Variants in PHTF2 observed in about 807,000 individuals in gnomAD.
The protein encoded by PHTF2 is protein PHTF2.
Under a neutral mutation model 101.2 loss-of-function variants are expected in PHTF2, and 60 were observed. The ratio of observed to expected loss-of-function variants is 0.59; its 90% CI spans 0.48 to 0.73. The LOEUF (loss-of-function observed/expected upper bound fraction) is 0.73. Ranked by LOEUF, PHTF2 falls within the 30% of genes least tolerant of loss-of-function variation. PHTF2 has a pLI of 0.00. For synonymous variants in PHTF2, 311 were observed against 307.3 expected (o/e 1.01, Z -0.13); for missense variants, 747 against 908.7 (o/e 0.82, Z 2.29).
intron 2 of PHTF2, among the ~76,000 whole-genome samples, chr7:77,840,729 A>G (rs946038738): frequency 6.6e-6 from 1 of 152,044 alleles, no homozygotes; most frequent in Non-Finnish European, 1.5e-5. Context: ...AAACTGAAAT[A>G]TTAAAGTGTT....
intron 1 of PHTF2, among the ~76,000 whole-genome samples, chr7:77,836,688 A>G (rs1795499420): frequency 6.6e-6 from 1 of 152,154 alleles, no homozygotes; most frequent in East Asian, 1.9e-4. Context: ...TGATGCTGGA[A>G]ACCATCATTC....
intron 1 of PHTF2, among the ~76,000 whole-genome samples, chr7:77,836,414 T>C (rs955887163): frequency 2.0e-5 from 3 of 152,118 alleles, no homozygotes; most frequent in Non-Finnish European, 4.4e-5. Context: ...TTGATTGAGA[T>C]TCCGTAAAGG....
At chr7:77,943,780 G>C (rs979251700) in intron 16 of PHTF2, among the ~76,000 whole-genome samples, 5 of 152,088 alleles carry the variant, frequency 3.3e-5, no homozygotes, top group Admixed American at 3.3e-4. Context: ...CCCTTTGGGA[G>C]GCCAAGGAGT....
chr7:77,863,938 G>C (rs1028542503), intron 3 of PHTF2, among the ~76,000 whole-genome samples: 1 of 151,764 alleles, frequency 6.6e-6, no homozygotes, highest in Admixed American at 6.6e-5. Flanking sequence ...CACCATCCCC[G>C]CTTAGTTTTA....
chr7:77,873,791 G>T (rs936329428), intron 3 of PHTF2, among the ~76,000 whole-genome samples: 1 of 152,138 alleles, frequency 6.6e-6, no homozygotes, highest in Non-Finnish European at 1.5e-5. Flanking sequence ...TTTCAGGGTC[G>T]CATTCTTTTC....
intron 5 of PHTF2, among the ~76,000 whole-genome samples, chr7:77,899,552 A>G (rs777199438): frequency 6.6e-6 from 1 of 151,920 alleles, no homozygotes; most frequent in African/African-American, 2.4e-5. Flanking sequence ...TTGTTTTTGC[A>G]TCTCTGGGTG....
intron 3 of PHTF2, among the ~76,000 whole-genome samples, chr7:77,892,354 C>T (rs1307795765): frequency 6.6e-6 from 1 of 152,172 alleles, no homozygotes. Context: ...ATTCTACCTC[C>T]TTTGTGTCTA....
chr7:77,808,247 A>G (rs949440770), intron 1 of PHTF2, among the ~76,000 whole-genome samples: 1 of 152,190 alleles, frequency 6.6e-6, no homozygotes, highest in African/African-American at 2.4e-5. Flanking sequence ...TAGGGATTGC[A>G]TTGAATCTGT....
intron 3 of PHTF2, chr7:77,854,847 A>C (rs1428270506): frequency 1.3e-6 from 1 of 756,158 alleles, no homozygotes. Flanking sequence ...GAGTAATGCC[A>C]GGCCTGTTCT....
At chr7:77,816,328 GCCT>G (rs1584377504) in intron 1 of PHTF2, among the ~76,000 whole-genome samples, 1 of 152,082 alleles carries the variant, frequency 6.6e-6, no homozygotes, top group Non-Finnish European at 1.5e-5. Flanking sequence ...GCCTGCCTCG[GCCT>G]CCCAAAGTGC....
chr7:77,888,590 C>T (rs1335389774), intron 3 of PHTF2, among the ~76,000 whole-genome samples: 1 of 152,138 alleles, frequency 6.6e-6, no homozygotes, highest in African/African-American at 2.4e-5. Flanking sequence ...GTATTTATTT[C>T]TCAATTGAAG....
chr7:77,896,977 T>G (rs1394634257), intron 5 of PHTF2, among the ~76,000 whole-genome samples: 4 of 152,198 alleles, frequency 2.6e-5, no homozygotes, highest in African/African-American at 9.6e-5. Flanking sequence ...TTTTGTAAGT[T>G]GCGAATTATT....
intron 9 of PHTF2, among the ~76,000 whole-genome samples, chr7:77,918,665 A>G (rs1803164189): frequency 6.6e-6 from 1 of 152,220 alleles, no homozygotes; most frequent in Admixed American, 6.5e-5. Context: ...TCCCAGACAG[A>G]GGAAGTAACA....
rs186413217 is a variant in PHTF2, at chr7:77,896,214, T to C, written c.216+2221T>C. On this transcript the variant is annotated intron_variant, in intron 5 of 19. Transcript: ENST00000416283. ...AATTTTGTTGCATGCATAGCTTGCG[T>C]AGCAGTCAAGTCAGAGCTTTTGGGG... 1.6e-4 allele frequency among the ~76,000 whole-genome samples: 24 copies of C among 152,280 alleles called. 1 individual carries two copies. In the East Asian group the frequency reaches 4.4e-3, roughly 28 times the overall value.
At chr7:77,923,465 CAT>C (rs1008257080) in intron 11 of PHTF2, 13 of 985,188 alleles carry the variant, frequency 1.3e-5, no homozygotes, top group Non-Finnish European at 1.6e-5. Flanking sequence ...AAAACAAACA[CAT>C]GTTACGCTGT....
At chr7:77,927,703 G>A (rs981490284) in intron 11 of PHTF2, among the ~76,000 whole-genome samples, 1 of 152,204 alleles carries the variant, frequency 6.6e-6, no homozygotes, top group Non-Finnish European at 1.5e-5. Context: ...TGTATTCAAA[G>A]TTCCCATGCT....
rs367767649 is a variant in PHTF2 at position 77,938,457 on chromosome 7, G to A, written c.1467+619G>A. 3.6e-4 allele frequency among the ~76,000 whole-genome samples: 55 copies of A among 152,222 alleles called. 1 individual carries two copies. The East Asian group carries it at 9.3e-3, about 26-fold the overall frequency. Reference sequence around the variant, plus strand: ...TTTAAAATGTGTTGATTGGCCGGGCGCGGTGGCTCACGCCTGTAATCCCAG... The same window carrying A: ...TTTAAAATGTGTTGATTGGCCGGGCACGGTGGCTCACGCCTGTAATCCCAG... On this transcript the variant is annotated intron_variant, in intron 13 of 19. Coordinates refer to ENST00000416283, the Ensembl canonical transcript of PHTF2.
chr7:77,879,394 A>T (rs1453248049), intron 3 of PHTF2, among the ~76,000 whole-genome samples: 1 of 152,046 alleles, frequency 6.6e-6, no homozygotes, highest in Non-Finnish European at 1.5e-5. Context: ...GCAGAGGCCT[A>T]AAGAACTCGT....
chr7:77,837,072 A>G (rs1458306293), intron 1 of PHTF2, among the ~76,000 whole-genome samples: 1 of 151,938 alleles, frequency 6.6e-6, no homozygotes, highest in Non-Finnish European at 1.5e-5. Flanking sequence ...GCCTAATGTT[A>G]TGCCTGCAGT....
Sources: allele counts gnomAD v4.1 joint callset (sites outside exome capture counted in the v4.1 genomes callset), GRCh38; gene constraint gnomAD v4.1.1; transcripts MANE v1.5; gene names NCBI Gene and HGNC (gene_info 2026-07-23, HGNC 2026-07-21).